The following SZT2 variants were observed in gnomAD, a reference collection of about 807,000 sequenced individuals.
The protein encoded by SZT2 is KICSTOR complex protein SZT2.
In SZT2, 216 loss-of-function variants were observed where a neutral mutation model predicts 404.2. That is an observed-to-expected ratio of 0.53 (90% CI 0.48 to 0.60). The LOEUF is 0.60. Among genes scored for constraint, SZT2 ranks in the 20% least tolerant of loss-of-function variants. The pLI is 0.00. For missense variants in SZT2, 3,857 were observed against 4,459.2 expected, an observed-to-expected ratio of 0.86 and a Z score of 3.85; for synonymous variants, 1,693 against 1,749.9, an observed-to-expected ratio of 0.97 and a Z score of 0.81.
chr1:43,413,451 G>A (rs1425252386), intron 4 of SZT2, among the ~76,000 whole-genome samples: 1 of 152,108 alleles, frequency 6.6e-6, no homozygotes, highest in Admixed American at 6.6e-5. Flanking sequence ...TCCCTCCTAG[G>A]TGTATACCCA....
At chr1:43,403,142 T>G (rs1440395730) in intron 1 of SZT2, 35 bp from the exon 2 acceptor site, 1 of 1,610,416 alleles carries the variant, frequency 6.2e-7, no homozygotes, top group Non-Finnish European at 8.5e-7. Flanking sequence ...TCGGTGCCAT[T>G]TTTTAAAGAT....
Position 43,425,219 on chromosome 1 carries a change from C to T in SZT2, c.2645+12C>T, listed in dbSNP as rs1557552952. The T allele has an allele frequency of 6.2e-7, 1 of 1,614,062 alleles. No individual in the cohort carries two copies. Among genetic ancestry groups the T allele is most frequent in the Non-Finnish European group, 8.5e-7 (1 of 1,179,904 alleles). On this transcript the variant is annotated intron_variant, in intron 18 of 71. Coordinates refer to ENST00000634258, the MANE Select transcript of SZT2 (RefSeq NM_001365999.1). The surrounding 1 kb of genome is among the most constrained non-coding windows in gnomAD (Gnocchi z 4.3). ...TCCACCAAAGACAGGTGAGACAGGC[C>T]ATCTGTGAGGGCCGCCTCTGCAGAG...
At position 43,450,589 on chromosome 1, in the gene SZT2, A is replaced by C; in HGVS notation, c.*109A>C. On this transcript the variant is annotated 3_prime_UTR_variant, in exon 72 of 72. Transcript: ENST00000634258. The surrounding 1 kb of genome is among the most constrained non-coding windows in gnomAD (Gnocchi z 4.3). ...CCTTCTGGGCCCCAGGGCAAGCCAGACACTGAGTGACACCAAAGGCTTTGT... is the reference window on the plus strand; with the variant it reads ...CCTTCTGGGCCCCAGGGCAAGCCAGCCACTGAGTGACACCAAAGGCTTTGT... The C allele has an allele frequency of 6.9e-7, 1 of 1,454,210 alleles. No homozygotes were observed. Among genetic ancestry groups the C allele is most frequent in the Non-Finnish European group, 9.4e-7 (1 of 1,065,230 alleles). The allele number at this position is 1,454,210 out of a possible 1,614,324, so 90.1% of individuals were successfully genotyped here. A position where few individuals can be genotyped will look rare whatever the true frequency, so the allele number is the denominator to read the frequency against.
At position 43,429,719 on chromosome 1, in the gene SZT2, C is replaced by T; in HGVS notation, c.4183C>T (p.Leu1395=). 1 of 1,614,202 alleles carries T rather than the reference C, an allele frequency of 6.2e-7. No individual in the cohort carries two copies. Among genetic ancestry groups the T allele is most frequent in the African/African-American group, 1.3e-5 (1 of 75,056 alleles). Residue 1395 remains leucine (L), a synonymous_variant, in exon 29 of 72, where the codon CTA becomes TTA. Coordinates refer to ENST00000634258, the MANE Select transcript of SZT2 (RefSeq NM_001365999.1). The part of the protein sequence containing the change: ...ASESSIETED[L]SEPEFQSTRV... ...ACCATTCAGCATAGAGACCGAGGACCTAAGCGAGCCTGAGTTTCAGAGCAC... is the reference window on the plus strand; with the variant it reads ...ACCATTCAGCATAGAGACCGAGGACTTAAGCGAGCCTGAGTTTCAGAGCAC...
At chr1:43,447,421 T>C (rs751907557) in intron 66 of SZT2, 124 bp from the exon 67 acceptor site, 78 of 1,355,708 alleles carry the variant, frequency 5.8e-5, no homozygotes, top group Non-Finnish European at 7.1e-5. Context: ...CAGGAGCTCC[T>C]AAGGAAAGCA....
At chr1:43,443,974 G>T (rs1655387448) in intron 62 of SZT2, among the ~76,000 whole-genome samples, 178 bp downstream of exon 62, 1 of 152,190 alleles carries the variant, frequency 6.6e-6, no homozygotes, top group East Asian at 1.9e-4. Context: ...CAGCCCTCAT[G>T]CGTGTCCTGC....
At position 43,440,438 on chromosome 1, in the gene SZT2, G is replaced by A; in HGVS notation, c.7211-15G>A. 1 of 1,572,886 alleles carries A rather than the reference G, an allele frequency of 6.4e-7. No homozygotes were observed. Among genetic ancestry groups the A allele is most frequent in the South Asian group, 1.2e-5 (1 of 84,846 alleles). ...ATGATCAGTGATGGGTGTCTGTAAT[G>A]TCTGATGTCCACAGGAAGTCTCAGG... is the stretch of plus-strand genomic sequence containing the variant. On this transcript the variant is annotated splice_polypyrimidine_tract_variant and intron_variant, in intron 51 of 71. Transcript: ENST00000634258.
chr1:43,447,684 G>A lies in SZT2; in HGVS notation c.9426G>A (p.Val3142=), dbSNP rs1328052292. ...CAGAACACAACGAGTATGCCCTGGT[G>A]TCGGCATGGCACAGGTAAGGCTGAG... ...GGPEHNEYAL[V]SAWHSSGSYL... Residue 3142 remains valine (V), a synonymous_variant, in exon 67 of 72, where the codon GTG becomes GTA. Transcript: ENST00000634258. The A allele has an allele frequency of 6.2e-7, 1 of 1,614,058 alleles. No homozygotes were observed. Among genetic ancestry groups the A allele is most frequent in the Admixed American group, 1.7e-5 (1 of 60,000 alleles).
Position 43,421,303 on chromosome 1 carries a change from G to A in SZT2, c.1626G>A (p.Pro542=), listed in dbSNP as rs757610969. 36 of 1,598,220 alleles carry A rather than the reference G, an allele frequency of 2.3e-5. No homozygotes were observed. Among genetic ancestry groups the A allele is most frequent in the African/African-American group, 1.3e-4 (10 of 74,936 alleles). ...ACATCCCTCCAGGCTCCACCACCCC[G>A]GTGAGTAGCTCTGAAGTATAGTAGC... ...LFYIPPGSTT[P]VLSLQPSGSD... is the part of the protein sequence containing the mutation. The change falls in exon 11 of 72, where the codon CCG becomes CCA. Residue 542 remains proline (P), a splice_region_variant and synonymous_variant. Transcript: ENST00000634258.
At chr1:43,409,398 A>G (rs1650733506) in intron 4 of SZT2, 2 of 285,248 alleles carry the variant, frequency 7.0e-6, no homozygotes, top group South Asian at 6.0e-5. Flanking sequence ...AGCGTAAAAG[A>G]GAGAAAAGTG....
intron 36 of SZT2, 93 bp from the exon 37 acceptor site, chr1:43,432,179 A>G: frequency 7.4e-7 from 1 of 1,344,772 alleles, no homozygotes; most frequent in South Asian, 1.4e-5. Flanking sequence ...CTGCTTTACC[A>G]GGTAGTTAGG....
chr1:43,450,284 A>T lies in SZT2; in HGVS notation c.10156-53A>T. 1 of 1,613,540 alleles carries T rather than the reference A, an allele frequency of 6.2e-7. No individual in the cohort carries two copies. The highest frequency in any genetic ancestry group is 8.5e-7 in the Non-Finnish European group (1 of 1,179,670). ...CCACCCTTTCTGAGCCCTGCCTCCT[A>T]TCCCCACCCATGCCCTCCTCTCACC... On this transcript the variant is annotated intron_variant, in intron 71 of 71. Coordinates refer to ENST00000634258, the MANE Select transcript of SZT2 (RefSeq NM_001365999.1). The surrounding 1 kb of genome is among the most constrained non-coding windows in gnomAD (Gnocchi z 4.3).
Position 43,437,757 on chromosome 1 carries a change from G to A in SZT2, c.6397-34G>A. 6.2e-7 allele frequency: 1 copy of A among 1,614,054 alleles called. No individual in the cohort carries two copies. The highest frequency in any genetic ancestry group is 8.5e-7 in the Non-Finnish European group (1 of 1,179,974). ...GTGTTCCTCTTGCACTTTGCTCTCTGGAACCGGGGCCCTGACCACAGTTTT... is the reference window on the plus strand; with the variant it reads ...GTGTTCCTCTTGCACTTTGCTCTCTAGAACCGGGGCCCTGACCACAGTTTT... On this transcript the variant is annotated intron_variant, in intron 45 of 71. Transcript: ENST00000634258. This position sits in a 1 kb window ranked among gnomAD's most constrained non-coding sequence, Gnocchi z 5.3.
At chr1:43,401,076 T>A (rs1649623543) in intron 1 of SZT2, among the ~76,000 whole-genome samples, 1 of 152,048 alleles carries the variant, frequency 6.6e-6, no homozygotes, top group Non-Finnish European at 1.5e-5. Context: ...CACGAGCCAC[T>A]ACGCCTGGCT....
At position 43,437,783 on chromosome 1, in the gene SZT2, C is replaced by G; in HGVS notation, c.6397-8C>G. The stretch of plus-strand genomic sequence containing the variant: ...GAACCGGGGCCCTGACCACAGTTTT[C>G]CCTGTAGGGTCCTCGTTCTCCCTTA... On this transcript the variant is annotated splice_region_variant and splice_polypyrimidine_tract_variant and intron_variant, in intron 45 of 71. Coordinates refer to ENST00000634258, the MANE Select transcript of SZT2 (RefSeq NM_001365999.1). The surrounding 1 kb of genome is among the most constrained non-coding windows in gnomAD (Gnocchi z 5.3). 6.2e-7 allele frequency: 1 copy of G among 1,614,176 alleles called. No individual in the cohort carries two copies. The highest frequency in any genetic ancestry group is 1.1e-5 in the South Asian group (1 of 91,082).
intron 1 of SZT2, among the ~76,000 whole-genome samples, chr1:43,395,059 T>C (rs555146672): frequency 6.6e-6 from 1 of 152,226 alleles, no homozygotes; most frequent in African/African-American, 2.4e-5. Flanking sequence ...GGAGAGTCAG[T>C]CCATCATTCA....
rs1649957696 is a variant in SZT2, at chr1:43,403,702, C to G, written c.255C>G (p.Thr85=). 4.3e-6 allele frequency: 7 copies of G among 1,614,166 alleles called. No individual in the cohort carries two copies. The highest frequency in any genetic ancestry group is 1.7e-5 in the Admixed American group (1 of 60,012). The change falls in exon 3 of 72, where the codon ACC becomes ACG. Residue 85 remains threonine, a synonymous_variant. Coordinates refer to ENST00000634258, the MANE Select transcript of SZT2 (RefSeq NM_001365999.1). ...GGCCATTCCTCCTGGTACCTTCCAC[C>G]CGGGTCACCTTCCTGGCTTGGCAGT... ...VPRPFLLVPS[T]RVTFLAWQYR...
In SZT2 at chr1:43,437,232, C is replaced by T. The variant is rs1298655472; in HGVS notation, c.6096C>T (p.Val2032=). ...ACCTGGCAGCCACAATGCAGTTTGT[C>T]CCTGGCCATTTCTCCTGTGACGTTG... is the stretch of plus-strand genomic sequence containing the variant. ...RGYLAATMQF[V]PGHFSCDVVW... is the part of the protein sequence containing the mutation. Residue 2032 remains valine (V), a synonymous_variant, in exon 43 of 72, where the codon GTC becomes GTT. Transcript: ENST00000634258. This position sits in a 1 kb window ranked among gnomAD's most constrained non-coding sequence, Gnocchi z 5.3. 2 of 1,614,182 alleles carry T rather than the reference C, an allele frequency of 1.2e-6. No homozygotes were observed. The highest frequency in any genetic ancestry group is 1.7e-6 in the Non-Finnish European group (2 of 1,180,038).
At chr1:43,394,977 G>A (rs1470559999) in intron 1 of SZT2, among the ~76,000 whole-genome samples, 4 of 152,252 alleles carry the variant, frequency 2.6e-5, no homozygotes, top group Admixed American at 6.5e-5. Flanking sequence ...CAAATGTTCA[G>A]CAAATGTTCT....
Sources: allele counts gnomAD v4.1 joint callset (sites outside exome capture counted in the v4.1 genomes callset), GRCh38; gene constraint gnomAD v4.1.1; non-coding constraint Gnocchi (gnomAD v3.1); transcripts MANE v1.5; gene names NCBI Gene and HGNC (gene_info 2026-07-23, HGNC 2026-07-21).